The following RAB12 variants were observed in gnomAD, a reference collection of about 807,000 sequenced individuals.
RAB12 encodes the protein ras-related protein Rab-12.
RAB12 carries 11 observed loss-of-function variants against 28.4 expected under a neutral mutation model. The ratio of observed to expected loss-of-function variants is 0.39; its 90% CI spans 0.24 to 0.64. RAB12 has a LOEUF of 0.64. RAB12 is among the 30% of genes least tolerant of loss of function. The pLI, the probability that RAB12 is intolerant of heterozygous loss-of-function variation, is 0.50. For missense variants in RAB12, 276 were observed against 351.1 expected, an observed-to-expected ratio of 0.79 and a Z score of 1.71; for synonymous variants, 138 against 145.3, an observed-to-expected ratio of 0.95 and a Z score of 0.36.
chr18:8,623,818 G>T (rs1375100545), intron 1 of RAB12, among the ~76,000 whole-genome samples: 1 of 152,252 alleles, frequency 6.6e-6, no homozygotes, highest in Non-Finnish European at 1.5e-5. Context: ...TTATATTCAT[G>T]CAACTTCTCT....
intron 1 of RAB12, among the ~76,000 whole-genome samples, chr18:8,619,939 C>A (rs2096008816): frequency 6.6e-6 from 1 of 151,904 alleles, no homozygotes; most frequent in Non-Finnish European, 1.5e-5. Context: ...GAGTTTGAGA[C>A]CAGCCTGGGC....
intron 1 of RAB12, among the ~76,000 whole-genome samples, chr18:8,624,206 A>G (rs2096011452): frequency 6.6e-6 from 1 of 152,270 alleles, no homozygotes; most frequent in Admixed American, 6.5e-5. Flanking sequence ...AAAATTGTGT[A>G]ATAAAATATT....
rs71165795 is a variant in RAB12 at position 8,620,139 on chromosome 18, C to CTTTTTTTTTTTTTTTTTTTTTTTTTTT, written c.515-4778_515-4777insTTTTTTTTTTTTTTTTTTTTTTTTTTT. Among the ~76,000 whole-genome samples, 23 of 53,938 alleles carry CTTTTTTTTTTTTTTTTTTTTTTTTTTT rather than the reference C, an allele frequency of 4.3e-4. 1 individual carries two copies. The highest frequency in any genetic ancestry group is 5.9e-4 in the Non-Finnish European group (19 of 32,372). The allele number at this position is 53,938 out of a possible 152,430, so 35.4% of individuals were successfully genotyped here. On this transcript the variant is annotated intron_variant, in intron 1 of 5. Transcript: ENST00000649141. ...AAAGCCTTCTTTTTTTTTTCTTCTT[C>CTTTTTTTTTTTTTTTTTTTTTTTTTTT]TTTTTTTTTTTTTTTTTTTTTGCTT...
intron 2 of RAB12, among the ~76,000 whole-genome samples, chr18:8,631,133 GC>G (rs978628218): frequency 1.3e-5 from 2 of 152,174 alleles, no homozygotes; most frequent in African/African-American, 4.8e-5. Flanking sequence ...CAGGTGACTT[GC>G]CCACCTCAGC....
At chr18:8,610,157 C>T (rs1194947131) in intron 1 of RAB12, 2 of 485,014 alleles carry the variant, frequency 4.1e-6, no homozygotes, top group Admixed American at 4.0e-5. Flanking sequence ...CCGGGCAGAC[C>T]TGCCCTTGGC....
intron 2 of RAB12, among the ~76,000 whole-genome samples, chr18:8,626,078 G>A (rs2148709450): frequency 6.6e-6 from 1 of 152,302 alleles, no homozygotes; most frequent in South Asian, 2.1e-4. Context: ...TTTCTTTTCT[G>A]TTGTGCATTT....
chr18:8,609,681 GGGCGGGCGGC>G lies in RAB12; in HGVS notation c.255_264del (p.Gly86ProfsTer66), dbSNP rs1318698959. 18 of 927,762 alleles carry G rather than the reference GGGCGGGCGGC, an allele frequency of 1.9e-5. No homozygotes were observed. Among genetic ancestry groups the G allele is most frequent in the Admixed American group, 6.4e-5 (1 of 15,644 alleles). 57.5% of individuals were successfully genotyped at this position (927,762 alleles called of 1,614,324 possible). On this transcript the variant is annotated frameshift_variant, in exon 1 of 6. Coordinates refer to ENST00000649141, the MANE Select transcript of RAB12 (RefSeq NM_001025300.3). LOFTEE classifies it high-confidence loss of function. ...CCGGGGCCCGGGGCGCGCAGCCGGGGGGCGGGCGGCGGCGGGCGGCGGGCCGAGCGGGAGC... is the reference window on the plus strand; with the variant it reads ...CCGGGGCCCGGGGCGCGCAGCCGGGGGGCGGGCGGCGGGCCGAGCGGGAGC...
intron 1 of RAB12, among the ~76,000 whole-genome samples, chr18:8,610,745 A>G (rs1265371421): frequency 6.6e-6 from 1 of 152,220 alleles, no homozygotes; most frequent in Non-Finnish European, 1.5e-5. Flanking sequence ...AGTTGTTTCT[A>G]TGGAAAACCC....
chr18:8,624,149 T>A (rs995237762), intron 1 of RAB12, among the ~76,000 whole-genome samples: 11 of 152,262 alleles, frequency 7.2e-5, no homozygotes, highest in African/African-American at 2.7e-4. Flanking sequence ...GGAAGGTGCC[T>A]CTAATTCTAA....
chr18:8,626,165 A>G (rs1413841886), intron 2 of RAB12, among the ~76,000 whole-genome samples: 2 of 152,226 alleles, frequency 1.3e-5, no homozygotes, highest in Non-Finnish European at 2.9e-5. Context: ...CAACAAATAG[A>G]TATTTCTTCC....
intron 1 of RAB12, among the ~76,000 whole-genome samples, chr18:8,613,916 T>C (rs1351654076): frequency 6.6e-6 from 1 of 152,130 alleles, no homozygotes; most frequent in Non-Finnish European, 1.5e-5. Context: ...GAAGGCCTCA[T>C]CACAGCCCTG....
rs2096002600 is a variant in RAB12 at position 8,609,737 on chromosome 18, G to A, written c.298G>A (p.Gly100Ser). ...EREPHACMDPGAALQRRAGGG... is the reference protein window; with the variant it reads ...EREPHACMDPSAALQRRAGGG... ...GGAGCCGCATGCGTGTATGGATCCG[G>A]GCGCCGCGCTGCAGAGGCGGGCCGG... The change falls in exon 1 of 6, where the codon GGC (glycine) becomes AGC (serine). Residue 100 changes from glycine (G) to serine (S), a missense_variant. Around this residue, in one of 4 missense-constraint regions of RAB12, gnomAD observed 72 missense variants for 55.5 expected, o/e 1.30. Coordinates refer to ENST00000649141, the MANE Select transcript of RAB12 (RefSeq NM_001025300.3). 2.5e-6 allele frequency: 3 copies of A among 1,177,722 alleles called. No individual in the cohort carries two copies. The South Asian group carries it at 1.2e-4, about 49-fold the overall frequency. 73.0% of individuals were successfully genotyped at this position (1,177,722 alleles called of 1,614,324 possible). A position where few individuals can be genotyped will look rare whatever the true frequency, so the allele number is the denominator to read the frequency against.
At chr18:8,615,943 T>A (rs2096006438) in intron 1 of RAB12, among the ~76,000 whole-genome samples, 1 of 152,240 alleles carries the variant, frequency 6.6e-6, no homozygotes, top group African/African-American at 2.4e-5. Flanking sequence ...AGAAGCCATC[T>A]GTTAATGGAT....
At chr18:8,636,043 A>G in intron 4 of RAB12, 1 of 542,300 alleles carries the variant, frequency 1.8e-6, no homozygotes, top group Non-Finnish European at 3.3e-6. Context: ...AGGTCCCGGC[A>G]TCACCTTCAG....
At chr18:8,620,362 C>G (rs2096009218) in intron 1 of RAB12, among the ~76,000 whole-genome samples, 1 of 152,006 alleles carries the variant, frequency 6.6e-6, no homozygotes, top group Non-Finnish European at 1.5e-5. Flanking sequence ...ATCTAAGGGA[C>G]TGAATGGAGA....
Position 8,633,170 on chromosome 18 carries a change from T to G in RAB12, c.576-19T>G. ...CTTTGGGCATTATTTGGGAACTGAC[T>G]TTGGCTGCTTTTTCTTAGGGACACA... On this transcript the variant is annotated intron_variant, in intron 2 of 5. Transcript: ENST00000649141. The G allele has an allele frequency of 6.2e-7, 1 of 1,613,944 alleles. No individual in the cohort carries two copies. Among genetic ancestry groups the G allele is most frequent in the Non-Finnish European group, 8.5e-7 (1 of 1,179,954 alleles).
At chr18:8,621,684 C>T (rs976821791) in intron 1 of RAB12, among the ~76,000 whole-genome samples, 2 of 152,118 alleles carry the variant, frequency 1.3e-5, no homozygotes, top group South Asian at 4.2e-4. Context: ...AATTGCGTGT[C>T]ATGGGGGTTT....
rs545326010 is a variant in RAB12 at position 8,627,366 on chromosome 18, A to G, written c.575+2368A>G. ...ATGAAAGCATTGCCATTCGGTTTTC[A>G]TAGGAGGATCTTGTTGGAAGAAGTG... is the stretch of plus-strand genomic sequence containing the variant. On this transcript the variant is annotated intron_variant, in intron 2 of 5. Transcript: ENST00000649141. Among the ~76,000 whole-genome samples the G allele has an allele frequency of 5.3e-5, 8 of 152,334 alleles. No homozygotes were observed. In the East Asian group the frequency reaches 1.2e-3, roughly 22 times the overall value.
chr18:8,615,102 T>TA (rs1228818641), intron 1 of RAB12, among the ~76,000 whole-genome samples: 1 of 152,158 alleles, frequency 6.6e-6, no homozygotes, highest in Non-Finnish European at 1.5e-5. Flanking sequence ...TGAGACTGCT[T>TA]ACGCTGGGGA....
Sources: gnomAD v4.1 joint callset for allele counts (sites outside exome capture counted in the v4.1 genomes callset) on GRCh38, gnomAD v4.1.1 for gene constraint, gnomAD v4.1.1 regional missense constraint, MANE v1.5 for transcripts, NCBI Gene and HGNC (gene_info 2026-07-23, HGNC 2026-07-21) for gene names.